Variants in RNF10 observed in about 807,000 individuals in gnomAD.
RNF10 encodes the protein E3 ubiquitin-protein ligase RNF10.
Under a neutral mutation model 91.4 loss-of-function variants are expected in RNF10, and 38 were observed. The observed-to-expected ratio is 0.42, with a 90% CI of 0.32 to 0.54. The LOEUF is 0.54. Among genes scored for constraint, RNF10 ranks in the 20% least tolerant of loss-of-function variants. The pLI, the probability that RNF10 is intolerant of heterozygous loss-of-function variation, is 0.16. For synonymous variants in RNF10, 364 were observed against 366.3 expected, an observed-to-expected ratio of 0.99 and a Z score of 0.07; for missense variants, 945 against 1,012.0, an observed-to-expected ratio of 0.93 and a Z score of 0.90.
chr12:120,535,348 T>C (rs947064545), intron 1 of RNF10: 2 of 161,476 alleles, frequency 1.2e-5, no homozygotes, highest in African/African-American at 4.8e-5. Context: ...TGAATTAACA[T>C]TGGATAGTGT....
At chr12:120,545,273 T>C (rs787829) in intron 1 of RNF10, among the ~76,000 whole-genome samples, 84,267 of 151,402 alleles carry the variant, frequency 0.56, 25,559 homozygotes, top group East Asian at 0.77. Flanking sequence ...CTCTGCCTCC[T>C]GGGGTTCACG....
rs1229240022 is a variant in RNF10 at position 120,576,963 on chromosome 12, C to G, written c.*297C>G. 2.7e-6 allele frequency: 1 copy of G among 372,542 alleles called. No homozygotes were observed. The highest frequency in any genetic ancestry group is 5.0e-6 in the Non-Finnish European group (1 of 198,320). 23.1% of individuals were successfully genotyped at this position (372,542 alleles called of 1,614,324 possible). On this transcript the variant is annotated 3_prime_UTR_variant, in exon 17 of 17. Transcript: ENST00000325954. ...CCATGTGTAATTAATTTTTCTCAAC[C>G]CAAAGTAAGATTGAGTCCCCTTTGA...
At position 120,557,332 on chromosome 12, in the gene RNF10, T is replaced by G; in HGVS notation, c.696T>G (p.Pro232=). Residue 232 remains proline, a synonymous_variant, in exon 5 of 17, where the codon CCT becomes CCG. Coordinates refer to ENST00000325954, the MANE Select transcript of RNF10 (RefSeq NM_014868.5). ...CTTGCCCAATATGCCTCTATCCACC[T>G]ACTGCAGCCAAGATAACCCGTTGTG... ...VPSCPICLYP[P]TAAKITRCGH... 1 of 1,614,172 alleles carries G rather than the reference T, an allele frequency of 6.2e-7. No individual in the cohort carries two copies. Among genetic ancestry groups the G allele is most frequent in the Non-Finnish European group, 8.5e-7 (1 of 1,180,036 alleles).
intron 13 of RNF10, among the ~76,000 whole-genome samples, chr12:120,569,874 CTT>C (rs1397612998): frequency 6.6e-6 from 1 of 151,572 alleles, no homozygotes; most frequent in African/African-American, 2.4e-5. Context: ...CACATACTGT[CTT>C]TTCTGAAAGC....
chr12:120,565,088 A>G lies in RNF10; in HGVS notation c.1682A>G (p.His561Arg), dbSNP rs752589483. The change falls in exon 11 of 17, where the codon CAC becomes CGC. Residue 561 changes from histidine (H) to arginine (R), a missense_variant. Transcript: ENST00000325954. ...CCAATGTAGGATGTTCGACAGCGTC[A>G]CAGATATCTCTCTCACTTGCCACTC... is the stretch of plus-strand genomic sequence containing the variant. The part of the protein sequence containing the change: ...YSMSEDVRQR[H>R]RYLSHLPLTC... 13 of 1,613,494 alleles carry G rather than the reference A, an allele frequency of 8.1e-6. No homozygotes were observed. The highest frequency in any genetic ancestry group is 1.1e-5 in the Non-Finnish European group (13 of 1,179,496).
chr12:120,555,742 C>T (rs1042521505), intron 4 of RNF10, among the ~76,000 whole-genome samples: 14 of 151,896 alleles, frequency 9.2e-5, no homozygotes, highest in African/African-American at 2.4e-4. Flanking sequence ...GTGATCCTCC[C>T]GACTTGGCCT....
chr12:120,543,394 C>T (rs1269361881), intron 1 of RNF10, among the ~76,000 whole-genome samples: 1 of 152,120 alleles, frequency 6.6e-6, no homozygotes, highest in African/African-American at 2.4e-5. Context: ...GCTTATAATC[C>T]CAGCACTTTG....
intron 14 of RNF10, among the ~76,000 whole-genome samples, chr12:120,572,301 C>G (rs1249918177): frequency 6.6e-6 from 1 of 152,092 alleles, no homozygotes; most frequent in Non-Finnish European, 1.5e-5. Context: ...CTCCTGACCT[C>G]GTGATCCGCC....
Position 120,534,977 on chromosome 12 carries a change from G to C in RNF10, c.157+9G>C, listed in dbSNP as rs761496796. Reference sequence around the variant, plus strand: ...GTCTAAACCCAAGAGCGGTAAGGACGGGCCTGCGGCAGTGGGCGGGGGCGA... The same window carrying C: ...GTCTAAACCCAAGAGCGGTAAGGACCGGCCTGCGGCAGTGGGCGGGGGCGA... On this transcript the variant is annotated intron_variant, in intron 1 of 16. Transcript: ENST00000325954. 12 of 1,588,352 alleles carry C rather than the reference G, an allele frequency of 7.6e-6. No individual in the cohort carries two copies. The highest frequency in any genetic ancestry group is 1.7e-5 in the Admixed American group (1 of 57,992).
chr12:120,557,857 G>C (rs961240067), intron 6 of RNF10, among the ~76,000 whole-genome samples, 175 bp downstream of exon 6: 1 of 152,148 alleles, frequency 6.6e-6, no homozygotes, highest in Non-Finnish European at 1.5e-5. Flanking sequence ...TTAATTATTG[G>C]TTTCAAGTTT....
intron 13 of RNF10, among the ~76,000 whole-genome samples, chr12:120,567,512 C>T (rs1474351130): frequency 4.0e-5 from 6 of 151,802 alleles, no homozygotes; most frequent in Admixed American, 3.9e-4. Context: ...ACCAGCCTGA[C>T]CAACACAGTG....
intron 1 of RNF10, among the ~76,000 whole-genome samples, chr12:120,538,513 T>G (rs1871143555): frequency 1.3e-5 from 2 of 152,238 alleles, no homozygotes; most frequent in African/African-American, 4.8e-5. Context: ...TTCCTTTTCT[T>G]GATTATATTC....
intron 1 of RNF10, among the ~76,000 whole-genome samples, chr12:120,537,941 T>C (rs539750919): frequency 6.6e-6 from 1 of 152,322 alleles, no homozygotes; most frequent in East Asian, 1.9e-4. Context: ...CTTAGGAACG[T>C]AACAGCTAAG....
chr12:120,536,587 G>A lies in RNF10; in HGVS notation c.157+1619G>A, dbSNP rs570698777. Among the ~76,000 whole-genome samples the A allele has an allele frequency of 1.9e-4, 29 of 152,290 alleles. No individual in the cohort carries two copies. In the South Asian group the frequency reaches 4.4e-3, roughly 23 times the overall value. ...GGTTCTCGGGCCGTGTCAGGAAATG[G>A]CATGTATGCAGACTGATTTTGCAGT... On this transcript the variant is annotated intron_variant, in intron 1 of 16. Coordinates refer to ENST00000325954, the MANE Select transcript of RNF10 (RefSeq NM_014868.5).
intron 1 of RNF10, among the ~76,000 whole-genome samples, chr12:120,540,942 A>G (rs888767015): frequency 6.8e-6 from 1 of 146,286 alleles, no homozygotes; most frequent in Non-Finnish European, 1.5e-5. Flanking sequence ...CGCAACCTCC[A>G]CCTCCCGGGT....
intron 2 of RNF10, among the ~76,000 whole-genome samples, chr12:120,546,965 C>T (rs901950814): frequency 1.3e-5 from 2 of 152,126 alleles, no homozygotes. Context: ...ATGCATATAT[C>T]TATAGTCTCA....
chr12:120,565,252 C>T (rs1329597448), intron 11 of RNF10, 63 bp downstream of exon 11: 8 of 1,269,760 alleles, frequency 6.3e-6, no homozygotes, highest in African/African-American at 4.4e-5. Flanking sequence ...TGGCTAGACA[C>T]CCAGTGGGGG....
At chr12:120,553,747 G>C (rs1484875019) in intron 3 of RNF10, among the ~76,000 whole-genome samples, 1 of 152,132 alleles carries the variant, frequency 6.6e-6, no homozygotes, top group Non-Finnish European at 1.5e-5. Context: ...ACAAGTTGAA[G>C]TGCTTGGCAT....
chr12:120,541,803 C>T (rs576940814), intron 1 of RNF10, among the ~76,000 whole-genome samples: 28 of 151,474 alleles, frequency 1.8e-4, no homozygotes, highest in African/African-American at 6.5e-4. Context: ...ACATAACTGA[C>T]TGAAACCTTG....
Sources: allele counts gnomAD v4.1 joint callset (sites outside exome capture counted in the v4.1 genomes callset), GRCh38; gene constraint gnomAD v4.1.1; transcripts MANE v1.5; gene names NCBI Gene and HGNC (gene_info 2026-07-23, HGNC 2026-07-21).